Variants in SLITRK2 observed in about 807,000 individuals in gnomAD.
SLITRK2 encodes the protein SLIT and NTRK-like protein 2.
SLITRK2 carries 13 observed loss-of-function variants against 35.4 expected under a neutral mutation model. The ratio of observed to expected loss-of-function variants is 0.37; its 90% CI spans 0.24 to 0.58. The LOEUF (loss-of-function observed/expected upper bound fraction) is 0.58. Among genes scored for constraint, SLITRK2 ranks in the 20% least tolerant of loss-of-function variants. The pLI is 0.75. For synonymous variants in SLITRK2, 294 were observed against 264.7 expected, an observed-to-expected ratio of 1.11 and a Z score of -1.07; for missense variants, 471 against 634.3, an observed-to-expected ratio of 0.74 and a Z score of 2.76.
intron 1 of SLITRK2, chrX:145,818,782 G>A (rs2072937776): frequency 8.9e-6 from 1 of 112,017 alleles, no homozygotes; most frequent in East Asian, 2.8e-4. Flanking sequence ...CAAGGAGAGG[G>A]AGCGTTTTCC....
chrX:145,825,158 C>A lies in SLITRK2; in HGVS notation c.*195C>A. 9.7e-6 allele frequency: 3 copies of A among 309,835 alleles called. No homozygotes were observed. The highest frequency in any genetic ancestry group is 1.6e-5 in the Non-Finnish European group (3 of 185,144). The allele number at this position is 309,835 out of a possible 1,213,427, so 25.5% of individuals were successfully genotyped here. On this transcript the variant is annotated 3_prime_UTR_variant, in exon 5 of 5. Coordinates refer to ENST00000335565, the MANE Select transcript of SLITRK2 (RefSeq NM_032539.5). The stretch of plus-strand genomic sequence containing the variant: ...TCCTTTAAATTATTTCTCTCTCGCT[C>A]TCCTCCCCTCCTTTTTTTTTTTTTT...
chrX:145,821,125 T>TA (rs2073005191), intron 2 of SLITRK2: 1 of 77,171 alleles, frequency 1.3e-5, no homozygotes, highest in African/African-American at 5.3e-5. Flanking sequence ...TCTCTCTCAC[T>TA]CACACACACA....
At position 145,825,124 on chromosome X, in the gene SLITRK2, T is replaced by C. The variant is rs926042989; in HGVS notation, c.*161T>C. 5.9e-5 allele frequency: 32 copies of C among 543,390 alleles called. No individual in the cohort carries two copies. Among genetic ancestry groups the C allele is most frequent in the Non-Finnish European group, 8.6e-5 (32 of 370,768 alleles). 44.8% of individuals were successfully genotyped at this position (543,390 alleles called of 1,213,427 possible). A position where few individuals can be genotyped will look rare whatever the true frequency, so the allele number is the denominator to read the frequency against. ...TAGGATGAAGTCATGATTTTGCTTT[T>C]GCAAGTTTTCCTTTAAATTATTTCT... On this transcript the variant is annotated 3_prime_UTR_variant, in exon 5 of 5. Coordinates refer to ENST00000335565, the MANE Select transcript of SLITRK2 (RefSeq NM_032539.5).
chrX:145,821,125 T>TCACACA (rs1217882056), intron 2 of SLITRK2: 3,755 of 77,220 alleles, frequency 0.049, 103 homozygotes, highest in South Asian at 0.075. Flanking sequence ...TCTCTCTCAC[T>TCACACA]CACACACACA....
At position 145,817,833 on chromosome X, in the gene SLITRK2, T is replaced by C. The variant is rs1185158097; in HGVS notation, c.-986T>C. 3 of 100,682 alleles carry C rather than the reference T, an allele frequency of 3.0e-5. No homozygotes were observed. Among genetic ancestry groups the C allele is most frequent in the Non-Finnish European group, 6.0e-5 (3 of 49,856 alleles). The allele number at this position is 100,682 out of a possible 1,213,427, so 8.3% of individuals were successfully genotyped here. The stretch of plus-strand genomic sequence containing the variant: ...TCCTCCCTCTCGCCTCCCTCCCTCC[T>C]TCCTGCAAGAAGCGTTGCCCGTTGG... On this transcript the variant is annotated 5_prime_UTR_variant, in exon 1 of 5. Transcript: ENST00000335565.
chrX:145,827,550 A>T lies in SLITRK2; in HGVS notation c.*2587A>T. 1.7e-6 allele frequency: 1 copy of T among 574,434 alleles called. No homozygotes were observed. The highest frequency in any genetic ancestry group is 2.3e-5 in the African/African-American group (1 of 43,160). The allele number at this position is 574,434 out of a possible 1,213,427, so 47.3% of individuals were successfully genotyped here. On this transcript the variant is annotated 3_prime_UTR_variant, in exon 5 of 5. Coordinates refer to ENST00000335565, the MANE Select transcript of SLITRK2 (RefSeq NM_032539.5). ...AATATTAACTTACTTACACGATTTT[A>T]AAGACGCCTACTGAGAGAACTCAAA...
At position 145,822,975 on chromosome X, in the gene SLITRK2, A is replaced by T. The variant is rs2124161592; in HGVS notation, c.550A>T (p.Thr184Ser). 8.3e-7 allele frequency: 1 copy of T among 1,210,899 alleles called. No individual in the cohort carries two copies. Among genetic ancestry groups the T allele is most frequent in the Non-Finnish European group, 1.1e-6 (1 of 894,992 alleles). Residue 184 changes from threonine to serine, a missense_variant, in exon 5 of 5, where the codon ACC becomes TCC. Around this residue, in one of 7 missense-constraint regions of SLITRK2, gnomAD observed 15 missense variants for 45.7 expected, o/e 0.33. Coordinates refer to ENST00000335565, the MANE Select transcript of SLITRK2 (RefSeq NM_032539.5). ...PSNVFRFVLL[T>S]HLDLRGNRLK... ...CAATGTGTTCCGCTTTGTCCTGCTG[A>T]CCCACTTAGACCTCAGGGGGAATAG...
At position 145,822,409 on chromosome X, in the gene SLITRK2, A is replaced by G. The variant is rs782750539; in HGVS notation, c.-17A>G. On this transcript the variant is annotated 5_prime_UTR_variant, in exon 5 of 5. Transcript: ENST00000335565. Reference sequence around the variant, plus strand: ...TTTGCCTGTAGGTACCTGAGTTGACACCGAAGGTGCCTAAAGATGCTGAGC... The same window carrying G: ...TTTGCCTGTAGGTACCTGAGTTGACGCCGAAGGTGCCTAAAGATGCTGAGC... 7 of 1,190,817 alleles carry G rather than the reference A, an allele frequency of 5.9e-6. No homozygotes were observed. In the Admixed American group the frequency reaches 9.1e-5, roughly 15 times the overall value.
In SLITRK2 at chrX:145,826,515, T is replaced by C. The variant is rs1235005055; in HGVS notation, c.*1552T>C. On this transcript the variant is annotated 3_prime_UTR_variant, in exon 5 of 5. Coordinates refer to ENST00000335565, the MANE Select transcript of SLITRK2 (RefSeq NM_032539.5). ...TTTAATTAGCCAAGTCTATATAACA[T>C]TTATGAAGCCTTATTAGACTGTAAA... 6.2e-5 allele frequency: 7 copies of C among 112,248 alleles called. No homozygotes were observed. The highest frequency in any genetic ancestry group is 1.3e-4 in the Non-Finnish European group (7 of 53,230). The allele number at this position is 112,248 out of a possible 1,213,427, so 9.3% of individuals were successfully genotyped here.
In SLITRK2 at chrX:145,823,781, C is replaced by A. The variant is rs1556944489; in HGVS notation, c.1356C>A (p.Leu452=). 1 of 1,210,618 alleles carries A rather than the reference C, an allele frequency of 8.3e-7. No individual in the cohort carries two copies. The change falls in exon 5 of 5, where the codon CTC becomes CTA. Residue 452 remains leucine (L), a synonymous_variant. Coordinates refer to ENST00000335565, the MANE Select transcript of SLITRK2 (RefSeq NM_032539.5). ...ATGGACTGCAGAGCTTGCAATATCT[C>A]TATTTAGAGTATAATGTCATTAAGG... The part of the protein sequence containing the change: ...MFDGLQSLQY[L]YLEYNVIKEI...
rs1216091762 is a variant in SLITRK2 at position 145,826,306 on chromosome X, T to C, written c.*1343T>C. 1 of 112,148 alleles carries C rather than the reference T, an allele frequency of 8.9e-6. No individual in the cohort carries two copies. Among genetic ancestry groups the C allele is most frequent in the Non-Finnish European group, 1.9e-5 (1 of 53,204 alleles). 9.2% of individuals were successfully genotyped at this position (112,148 alleles called of 1,213,427 possible). ...CAAAACAGCATTTTCCTCTTGAGTTTAATTGAAGCATTAATGGGGTGCTAT... is the reference window on the plus strand; with the variant it reads ...CAAAACAGCATTTTCCTCTTGAGTTCAATTGAAGCATTAATGGGGTGCTAT... On this transcript the variant is annotated 3_prime_UTR_variant, in exon 5 of 5. Transcript: ENST00000335565.
chrX:145,824,222 T>G lies in SLITRK2; in HGVS notation c.1797T>G (p.Pro599=), dbSNP rs782616905. The change falls in exon 5 of 5, where the codon CCT becomes CCG. Residue 599 remains proline, a synonymous_variant. Coordinates refer to ENST00000335565, the MANE Select transcript of SLITRK2 (RefSeq NM_032539.5). The stretch of plus-strand genomic sequence containing the variant: ...CAATGAATCACAATACAGACACACC[T>G]CGGTCGCTTAGTGTGTCTCCTAGTT... ...VLSMNHNTDT[P]RSLSVSPSSY... 2.5e-6 allele frequency: 3 copies of G among 1,211,075 alleles called. No homozygotes were observed. The highest frequency in any genetic ancestry group is 2.3e-4 in the Middle Eastern group (1 of 4,354).
Position 145,828,778 on chromosome X carries a change from C to T in SLITRK2, c.*3815C>T, listed in dbSNP as rs1314904613. 2.4e-5 allele frequency: 3 copies of T among 122,643 alleles called. No individual in the cohort carries two copies. The highest frequency in any genetic ancestry group is 3.8e-5 in the Non-Finnish European group (2 of 53,110). 10.1% of individuals were successfully genotyped at this position (122,643 alleles called of 1,213,427 possible). A position where few individuals can be genotyped will look rare whatever the true frequency, so the allele number is the denominator to read the frequency against. The stretch of plus-strand genomic sequence containing the variant: ...TAATAAATAGCCTAGCTTAGTCTAA[C>T]ATCTCTTTAGAATTACACAGCTAAA... On this transcript the variant is annotated 3_prime_UTR_variant, in exon 5 of 5. Coordinates refer to ENST00000335565, the MANE Select transcript of SLITRK2 (RefSeq NM_032539.5).
rs1229573611 is a variant in SLITRK2 at position 145,819,586 on chromosome X, AG to A, written c.-792-886del. 3 of 112,571 alleles carry A rather than the reference AG, an allele frequency of 2.7e-5. No homozygotes were observed. In the Admixed American group the frequency reaches 2.8e-4, roughly 11 times the overall value. The allele number at this position is 112,571 out of a possible 1,213,427, so 9.3% of individuals were successfully genotyped here. A position where few individuals can be genotyped will look rare whatever the true frequency, so the allele number is the denominator to read the frequency against. Reference sequence around the variant, plus strand: ...CTGAATGAATAAATCTTATTGCTCTAGGAACTATGTGCTTTTAACCTTTGGA... The same window carrying A: ...CTGAATGAATAAATCTTATTGCTCTAGAACTATGTGCTTTTAACCTTTGGA... On this transcript the variant is annotated intron_variant, in intron 1 of 4. Coordinates refer to ENST00000335565, the MANE Select transcript of SLITRK2 (RefSeq NM_032539.5).
rs1346375293 is a variant in SLITRK2, at chrX:145,828,706, T to A, written c.*3743T>A. ...GAGACAGTAATGCAATGCAGGAAGTTAAGTTTTTAAAGGTGATTCTGTGCA... is the reference window on the plus strand; with the variant it reads ...GAGACAGTAATGCAATGCAGGAAGTAAAGTTTTTAAAGGTGATTCTGTGCA... On this transcript the variant is annotated 3_prime_UTR_variant, in exon 5 of 5. Coordinates refer to ENST00000335565, the MANE Select transcript of SLITRK2 (RefSeq NM_032539.5). 2 of 123,033 alleles carry A rather than the reference T, an allele frequency of 1.6e-5. No individual in the cohort carries two copies. The highest frequency in any genetic ancestry group is 6.5e-5 in the African/African-American group (2 of 30,701). 10.1% of individuals were successfully genotyped at this position (123,033 alleles called of 1,213,427 possible). A position where few individuals can be genotyped will look rare whatever the true frequency, so the allele number is the denominator to read the frequency against.
In SLITRK2 at chrX:145,828,213, A is replaced by G; in HGVS notation, c.*3250A>G. On this transcript the variant is annotated 3_prime_UTR_variant, in exon 5 of 5. Coordinates refer to ENST00000335565, the MANE Select transcript of SLITRK2 (RefSeq NM_032539.5). ...TCTCTCCAGCAGCTGGTGAGTAAGG[A>G]AATGACCCTTCAATTTCCTCTTCTT... 1 of 343,106 alleles carries G rather than the reference A, an allele frequency of 2.9e-6. No individual in the cohort carries two copies. 28.3% of individuals were successfully genotyped at this position (343,106 alleles called of 1,213,427 possible). A position where few individuals can be genotyped will look rare whatever the true frequency, so the allele number is the denominator to read the frequency against.
In SLITRK2 at chrX:145,824,618, C is replaced by T. The variant is rs782762200; in HGVS notation, c.2193C>T (p.Ala731=). ...TGGAGGAGAAAAAAGAAGAGCCAGC[C>T]ACACCTGCTTACACAATAAGTGCCA... The part of the protein sequence containing the change: ...SNLEEKKEEP[A]TPAYTISATE... Residue 731 remains alanine (A), a synonymous_variant, in exon 5 of 5, where the codon GCC becomes GCT. Coordinates refer to ENST00000335565, the MANE Select transcript of SLITRK2 (RefSeq NM_032539.5). 2.7e-5 allele frequency: 33 copies of T among 1,208,856 alleles called. No individual in the cohort carries two copies. The highest frequency in any genetic ancestry group is 1.8e-5 in the African/African-American group (1 of 56,764).
chrX:145,828,684 A>G lies in SLITRK2; in HGVS notation c.*3721A>G, dbSNP rs1209623038. ...GCAATCGCCCAGATTAACAGTGGAG[A>G]CAGTAATGCAATGCAGGAAGTTAAG... On this transcript the variant is annotated 3_prime_UTR_variant, in exon 5 of 5. Coordinates refer to ENST00000335565, the MANE Select transcript of SLITRK2 (RefSeq NM_032539.5). The G allele has an allele frequency of 1.6e-5, 2 of 123,016 alleles. No homozygotes were observed. Among genetic ancestry groups the G allele is most frequent in the East Asian group, 2.8e-4 (1 of 3,548 alleles). The allele number at this position is 123,016 out of a possible 1,213,427, so 10.1% of individuals were successfully genotyped here.
rs1194915874 is a variant in SLITRK2 at position 145,823,172 on chromosome X, G to A, written c.747G>A (p.Leu249=). The change falls in exon 5 of 5, where the codon TTG becomes TTA. Residue 249 remains leucine, a synonymous_variant. Transcript: ENST00000335565. ...GEIVCETPFR[L]HGKDVTQLTR... ...TTGTCTGTGAGACTCCCTTTAGGTT[G>A]CATGGGAAAGACGTGACCCAGCTGA... 8.3e-7 allele frequency: 1 copy of A among 1,211,392 alleles called. No individual in the cohort carries two copies. Among genetic ancestry groups the A allele is most frequent in the Non-Finnish European group, 1.1e-6 (1 of 895,486 alleles).
Sources: gnomAD v4.1 joint callset for allele counts on GRCh38, gnomAD v4.1.1 for gene constraint, gnomAD v4.1.1 regional missense constraint, MANE v1.5 for transcripts, NCBI Gene and HGNC (gene_info 2026-07-23, HGNC 2026-07-21) for gene names.